TBR1: variants seen among roughly 807,000 people sequenced by gnomAD.
TBR1 encodes T-box brain transcription factor 1, also known as T-box brain protein 1.
In TBR1, 7 loss-of-function variants were observed where a neutral mutation model predicts 60.3. That is an observed-to-expected ratio of 0.12 (90% CI 0.07 to 0.22). TBR1 has a LOEUF of 0.22. Among genes scored for constraint, TBR1 ranks in the 10% least tolerant of loss-of-function variants. TBR1 has a pLI of 1.00. For missense variants in TBR1, 616 were observed against 936.8 expected (o/e 0.66, Z 4.47); for synonymous variants, 417 against 409.9 (o/e 1.02, Z -0.21).
Position 161,424,264 on chromosome 2 carries a change from C to A in TBR1, c.*37C>A, listed in dbSNP as rs915924309. ...CCGCCCGGCCCCGCCGCGGCCCGGA[C>A]CCCCAGCCAGCCCCTCACAGCTCTT... is the stretch of plus-strand genomic sequence containing the variant. On this transcript the variant is annotated 3_prime_UTR_variant, in exon 6 of 6. Coordinates refer to ENST00000389554, the MANE Select transcript of TBR1 (RefSeq NM_006593.4). The surrounding 1 kb of genome is among the most constrained non-coding windows in gnomAD (Gnocchi z 4.4). 2.0e-6 allele frequency: 3 copies of A among 1,512,098 alleles called. No homozygotes were observed. The African/African-American group carries it at 4.1e-5, about 21-fold the overall frequency. The allele number at this position is 1,512,098 out of a possible 1,614,324, so 93.7% of individuals were successfully genotyped here. A position where few individuals can be genotyped will look rare whatever the true frequency, so the allele number is the denominator to read the frequency against.
chr2:161,416,597 TCAGATA>T lies in TBR1; in HGVS notation c.192_197del (p.Thr65_Asp66del). On this transcript the variant is annotated inframe_deletion, in exon 1 of 6. Coordinates refer to ENST00000389554, the MANE Select transcript of TBR1 (RefSeq NM_006593.4). This position sits in a 1 kb window ranked among gnomAD's most constrained non-coding sequence, Gnocchi z 6.1. ...AATTACCAGGGGGATGACGAATCAG[TCAGATA>T]CAGACAATTTTCCTGACTCCAAGGA... 6.2e-7 allele frequency: 1 copy of T among 1,614,136 alleles called. No individual in the cohort carries two copies. Among genetic ancestry groups the T allele is most frequent in the South Asian group, 1.1e-5 (1 of 91,080 alleles).
chr2:161,418,513 C>T (rs1324842325), intron 3 of TBR1, 191 bp downstream of exon 3: 17 of 866,782 alleles, frequency 2.0e-5, no homozygotes, highest in Non-Finnish European at 2.9e-5. Flanking sequence ...GCAACACCTC[C>T]GTCGGCCCAA....
chr2:161,420,282 T>A (rs1406838296), intron 5 of TBR1, 25 bp downstream of exon 5: 2 of 1,599,668 alleles, frequency 1.3e-6, no homozygotes, highest in Non-Finnish European at 1.7e-6. Flanking sequence ...ATCTTCCTTT[T>A]CAAATAGCTG....
At chr2:161,420,625 G>A (rs767600310) in intron 5 of TBR1, 1 of 167,414 alleles carries the variant, frequency 6.0e-6, no homozygotes, top group South Asian at 1.6e-4. Flanking sequence ...ATGTGGCGCT[G>A]CAGATGCTCA....
intron 5 of TBR1, 26 bp from the exon 6 acceptor site, chr2:161,423,339 GCTCT>G (rs139857158): frequency 7.6e-5 from 81 of 1,060,342 alleles, no homozygotes; most frequent in South Asian, 2.7e-4. Context: ...CCACCCCTCG[GCTCT>G]CTCTCTCTCT....
At chr2:161,423,316 A>C (rs1684261421) in intron 5 of TBR1, 53 bp from the exon 6 acceptor site, 5 of 1,103,544 alleles carry the variant, frequency 4.5e-6, no homozygotes, top group African/African-American at 1.7e-5. Flanking sequence ...CCCCACCCCA[A>C]GGGACCTCCG....
intron 2 of TBR1, 185 bp from the exon 3 acceptor site, chr2:161,418,016 A>G: frequency 6.9e-7 from 1 of 1,452,028 alleles, no homozygotes; most frequent in South Asian, 1.5e-5. Flanking sequence ...AGCTATTTTA[A>G]TCACCCCCAG....
rs1684270255 is a variant in TBR1 at position 161,423,548 on chromosome 2, C to T, written c.1370C>T (p.Thr457Met). 3 of 1,565,184 alleles carry T rather than the reference C, an allele frequency of 1.9e-6. No individual in the cohort carries two copies. Among genetic ancestry groups the T allele is most frequent in the Non-Finnish European group, 1.7e-6 (2 of 1,159,396 alleles). ...GCGGGCGCGGGCCCCGGGCCGGGTA[C>T]GGACCGCAGCGTGCCGCACACCAAC... ...PGAGAGPGPG[T>M]DRSVPHTNGL... The change falls in exon 6 of 6, where the codon ACG (threonine) becomes ATG (methionine). Residue 457 changes from threonine to methionine, a missense_variant. Physicochemically the swap from Thr to Met is moderately conservative, Grantham distance 81. Coordinates refer to ENST00000389554, the MANE Select transcript of TBR1 (RefSeq NM_006593.4).
At position 161,424,305 on chromosome 2, in the gene TBR1, C is replaced by T. The variant is rs1684287863; in HGVS notation, c.*78C>T. 1.4e-6 allele frequency: 2 copies of T among 1,410,408 alleles called. No individual in the cohort carries two copies. Among genetic ancestry groups the T allele is most frequent in the African/African-American group, 2.9e-5 (2 of 69,788 alleles). The allele number at this position is 1,410,408 out of a possible 1,614,324, so 87.4% of individuals were successfully genotyped here. On this transcript the variant is annotated 3_prime_UTR_variant, in exon 6 of 6. Transcript: ENST00000389554. This position sits in a 1 kb window ranked among gnomAD's most constrained non-coding sequence, Gnocchi z 4.4. The stretch of plus-strand genomic sequence containing the variant: ...CACAGCTCTTCCCCAGCTCCGCCTC[C>T]CCACACTCCTCCTTGCGCACCCACT...
In TBR1 at chr2:161,425,526, A is replaced by G. The variant is rs752276318; in HGVS notation, c.*1299A>G. On this transcript the variant is annotated 3_prime_UTR_variant, in exon 6 of 6. Coordinates refer to ENST00000389554, the MANE Select transcript of TBR1 (RefSeq NM_006593.4). ...TCCCCTAAGTCTTGTTATATTTGAT[A>G]AGGAGCATTAATCCCCCTGGAAATA... The G allele has an allele frequency of 6.6e-6, 1 of 152,176 alleles. No individual in the cohort carries two copies. Among genetic ancestry groups the G allele is most frequent in the Admixed American group, 6.5e-5 (1 of 15,280 alleles). The allele number at this position is 152,176 out of a possible 1,614,324, so 9.4% of individuals were successfully genotyped here. A position where few individuals can be genotyped will look rare whatever the true frequency, so the allele number is the denominator to read the frequency against.
Position 161,423,996 on chromosome 2 carries a change from C to G in TBR1, c.1818C>G (p.Pro606=). The G allele has an allele frequency of 6.4e-7, 1 of 1,566,196 alleles. No homozygotes were observed. Among genetic ancestry groups the G allele is most frequent in the South Asian group, 1.2e-5 (1 of 85,284 alleles). Residue 606 remains proline, a synonymous_variant, in exon 6 of 6, where the codon CCC becomes CCG. Coordinates refer to ENST00000389554, the MANE Select transcript of TBR1 (RefSeq NM_006593.4). ...LPPGAAEDAK[P]KDLSDSSWIE... is the part of the protein sequence containing the mutation. ...CCGGCGCCGCCGAGGACGCCAAGCC[C>G]AAGGACCTGTCCGATTCCAGCTGGA...
At chr2:161,418,730 C>A (rs1049985064) in intron 3 of TBR1, 162 bp from the exon 4 acceptor site, 2 of 1,012,240 alleles carry the variant, frequency 2.0e-6, no homozygotes, top group Non-Finnish European at 2.8e-6. Flanking sequence ...TCTGCCCCAG[C>A]CAGCCAGCCG....
Position 161,417,920 on chromosome 2 carries a change from TA to T in TBR1, c.847+94del. 1 of 1,506,432 alleles carries T rather than the reference TA, an allele frequency of 6.6e-7. No individual in the cohort carries two copies. The highest frequency in any genetic ancestry group is 8.9e-7 in the Non-Finnish European group (1 of 1,126,846). 93.3% of individuals were successfully genotyped at this position (1,506,432 alleles called of 1,614,324 possible). ...TTTGTGGACTGGCTCGAGCGACTTT[TA>T]AAACGATCGGCCAATGACTTCTAAA... On this transcript the variant is annotated intron_variant, in intron 2 of 5. Coordinates refer to ENST00000389554, the MANE Select transcript of TBR1 (RefSeq NM_006593.4). The surrounding 1 kb of genome is among the most constrained non-coding windows in gnomAD (Gnocchi z 5.3).
At chr2:161,418,449 A>C (rs996221664) in intron 3 of TBR1, 127 bp downstream of exon 3, 3 of 1,320,962 alleles carry the variant, frequency 2.3e-6, no homozygotes, top group African/African-American at 3.0e-5. Flanking sequence ...AAGACTTAAA[A>C]ATTGTATTTC....
chr2:161,423,563 C>A lies in TBR1; in HGVS notation c.1385C>A (p.Pro462Gln). The A allele has an allele frequency of 6.4e-7, 1 of 1,555,100 alleles. No homozygotes were observed. The highest frequency in any genetic ancestry group is 8.7e-7 in the Non-Finnish European group (1 of 1,155,140). The change falls in exon 6 of 6, where the codon CCG (proline) becomes CAG (glutamine). Residue 462 changes from proline (P) to glutamine (Q), a missense_variant. Pro to Gln is a moderately conservative substitution (Grantham distance 76). Around this residue, in one of 8 missense-constraint regions of TBR1, gnomAD observed 80 missense variants for 75.3 expected, o/e 1.06. Transcript: ENST00000389554. Reference protein sequence around the residue: ...GPGPGTDRSVPHTNGLLSPQQ... With the variant: ...GPGPGTDRSVQHTNGLLSPQQ... ...GGGCCGGGTACGGACCGCAGCGTGC[C>A]GCACACCAACGGGCTGCTGTCGCCG...
At position 161,420,178 on chromosome 2, in the gene TBR1, AT is replaced by A. The variant is rs753542347; in HGVS notation, c.1129-10del. ...ACGTATAAAAGGTGAGATAACATTCATTTTTTTTCTTTGCCAGATTACACAA... is the reference window on the plus strand; with the variant it reads ...ACGTATAAAAGGTGAGATAACATTCATTTTTTTCTTTGCCAGATTACACAA... On this transcript the variant is annotated splice_polypyrimidine_tract_variant and intron_variant, in intron 4 of 5. Coordinates refer to ENST00000389554, the MANE Select transcript of TBR1 (RefSeq NM_006593.4). 17 of 1,606,812 alleles carry A rather than the reference AT, an allele frequency of 1.1e-5. No individual in the cohort carries two copies. The highest frequency in any genetic ancestry group is 3.3e-5 in the South Asian group (3 of 90,374).
rs781615252 is a variant in TBR1 at position 161,423,379 on chromosome 2, G to A, written c.1201G>A (p.Gly401Ser). Residue 401 changes from glycine to serine, a missense_variant, in exon 6 of 6, where the codon GGC becomes AGC. Coordinates refer to ENST00000389554, the MANE Select transcript of TBR1 (RefSeq NM_006593.4). ...CTCCCTACCCCGCAGGATCTACACCGGCTGTGACATGGACCGCCTGACCCC... is the reference window on the plus strand; with the variant it reads ...CTCCCTACCCCGCAGGATCTACACCAGCTGTGACATGGACCGCCTGACCCC... ...FRDNYDTIYT[G>S]CDMDRLTPSP... is the part of the protein sequence containing the mutation. 2 of 1,291,834 alleles carry A rather than the reference G, an allele frequency of 1.5e-6. No homozygotes were observed. The highest frequency in any genetic ancestry group is 5.7e-5 in the East Asian group (1 of 17,616). 80.0% of individuals were successfully genotyped at this position (1,291,834 alleles called of 1,614,324 possible).
rs116175783 is a variant in TBR1 at position 161,418,336 on chromosome 2, G to C, written c.969+14G>C. ...AACAATGGGCAGGTCAGTGGCTCAA[G>C]CGCTCGTGTTTTCTCTCTCTCTCAC... is the stretch of plus-strand genomic sequence containing the variant. On this transcript the variant is annotated intron_variant, in intron 3 of 5. Transcript: ENST00000389554. The C allele has an allele frequency of 0.039, 63,375 of 1,610,546 alleles. 1,616 individuals are homozygous for C. The highest frequency in any genetic ancestry group is 0.045 in the Non-Finnish European group (52,614 of 1,178,286).
Position 161,417,196 on chromosome 2 carries a change from G to C in TBR1, c.692+94G>C. The C allele has an allele frequency of 7.4e-7, 1 of 1,359,972 alleles. No individual in the cohort carries two copies. The highest frequency in any genetic ancestry group is 9.9e-7 in the Non-Finnish European group (1 of 1,006,178). The allele number at this position is 1,359,972 out of a possible 1,614,324, so 84.2% of individuals were successfully genotyped here. ...GCCGCGGCAGCGACGATTTGGGGTC[G>C]GGAGCGGAGTGGAAGGCGCCCTAGA... On this transcript the variant is annotated intron_variant, in intron 1 of 5. Coordinates refer to ENST00000389554, the MANE Select transcript of TBR1 (RefSeq NM_006593.4). The surrounding 1 kb of genome is among the most constrained non-coding windows in gnomAD (Gnocchi z 5.3).
Sources: allele counts gnomAD v4.1 joint callset, GRCh38; gene constraint gnomAD v4.1.1; regional missense constraint gnomAD v4.1.1; non-coding constraint Gnocchi (gnomAD v3.1); transcripts MANE v1.5; gene names NCBI Gene and HGNC (gene_info 2026-07-23, HGNC 2026-07-21).